The following CRYZ variants were observed in gnomAD, a reference collection of about 807,000 sequenced individuals.
The protein encoded by CRYZ is crystallin zeta.
CRYZ carries 35 observed loss-of-function variants against 34.1 expected under a neutral mutation model. The observed-to-expected ratio is 1.03, with a 90% CI of 0.78 to 1.36. CRYZ has a LOEUF of 1.36. CRYZ is among the 40% of genes most tolerant of loss of function. CRYZ has a pLI of 0.00. For missense variants in CRYZ, 403 were observed against 391.8 expected, an observed-to-expected ratio of 1.03 and a Z score of -0.24; for synonymous variants, 137 against 136.5, an observed-to-expected ratio of 1.00 and a Z score of -0.03.
chr1:74,719,276 G>A lies in CRYZ; in HGVS notation c.361C>T (p.Leu121=). 4 of 1,613,840 alleles carry A rather than the reference G, an allele frequency of 2.5e-6. No individual in the cohort carries two copies. The highest frequency in any genetic ancestry group is 3.4e-6 in the Non-Finnish European group (4 of 1,179,774). The part of the protein sequence containing the change: ...DHTVYKLPEK[L]DFKQGAAIGI... ...ATGGCAGCTCCTTGTTTAAAGTCCA[G>A]TTTTTCAGGTAGTTTGTAAACAGTG... The change falls in exon 4 of 9, where the codon CTG becomes TTG. Residue 121 remains leucine (L), a synonymous_variant. Transcript: ENST00000340866.
intron 4 of CRYZ, among the ~76,000 whole-genome samples, chr1:74,715,988 T>C (rs1647067619): frequency 6.6e-6 from 1 of 150,528 alleles, no homozygotes; most frequent in Non-Finnish European, 1.5e-5. Flanking sequence ...AGAATGTGGG[T>C]GGGCCTCATC....
intron 3 of CRYZ, among the ~76,000 whole-genome samples, chr1:74,719,812 C>T (rs935838045): frequency 6.6e-6 from 1 of 151,876 alleles, no homozygotes; most frequent in African/African-American, 2.4e-5. Flanking sequence ...TTTTAAAATA[C>T]TTCACATTTA....
At chr1:74,723,085 C>T (rs1330261147) in intron 3 of CRYZ, 33 bp downstream of exon 3, 2 of 1,592,640 alleles carry the variant, frequency 1.3e-6, no homozygotes, top group African/African-American at 2.7e-5. Context: ...GAAATAAATT[C>T]AGCCAAAATA....
At chr1:74,710,404 G>T (rs1448498230) in intron 5 of CRYZ, among the ~76,000 whole-genome samples, 157 bp from the exon 6 acceptor site, 1 of 152,124 alleles carries the variant, frequency 6.6e-6, no homozygotes, top group Non-Finnish European at 1.5e-5. Flanking sequence ...AACTTTAATT[G>T]AGCATTTAAA....
chr1:74,711,025 G>A (rs549207370), intron 5 of CRYZ, among the ~76,000 whole-genome samples: 8 of 152,230 alleles, frequency 5.3e-5, no homozygotes, highest in East Asian at 1.9e-4. Context: ...GAGAACATCC[G>A]GTCAGCCACG....
At chr1:74,720,794 C>A (rs187022880) in intron 3 of CRYZ, among the ~76,000 whole-genome samples, 135 of 152,126 alleles carry the variant, frequency 8.9e-4, no homozygotes, top group Middle Eastern at 3.4e-3. Context: ...GAATATACTA[C>A]ATAGAAAGCA....
rs1459034730 is a variant in CRYZ at position 74,732,608 on chromosome 1, G to T, written c.-14+348C>A. The stretch of plus-strand genomic sequence containing the variant: ...AAGCGGGTGACTGGCGGGGGGGGGG[G>T]GGGGGGGTGCAGCGTGGGGCTGGGG... On this transcript the variant is annotated intron_variant, in intron 1 of 8. Transcript: ENST00000340866. Among the ~76,000 whole-genome samples, 31 of 81,730 alleles carry T rather than the reference G, an allele frequency of 3.8e-4. 4 individuals are homozygous for T. In the South Asian group the frequency reaches 3.9e-3, roughly 10 times the overall value. The allele number at this position is 81,730 out of a possible 152,430, so 53.6% of individuals were successfully genotyped here. A position where few individuals can be genotyped will look rare whatever the true frequency, so the allele number is the denominator to read the frequency against.
At chr1:74,724,647 T>C in intron 2 of CRYZ, 64 bp downstream of exon 2, 1 of 1,007,124 alleles carries the variant, frequency 9.9e-7, no homozygotes, top group East Asian at 2.5e-5. Flanking sequence ...TTCTTTTTAA[T>C]ACAATGTGCA....
intron 1 of CRYZ, among the ~76,000 whole-genome samples, chr1:74,730,596 G>A (rs1308825167): frequency 6.6e-6 from 1 of 152,122 alleles, no homozygotes; most frequent in Non-Finnish European, 1.5e-5. Flanking sequence ...ATTTTATGCA[G>A]AAGTAAAAAT....
chr1:74,721,893 G>A (rs756389297), intron 3 of CRYZ, among the ~76,000 whole-genome samples: 5 of 152,160 alleles, frequency 3.3e-5, no homozygotes, highest in East Asian at 3.9e-4. Flanking sequence ...CACTGGACAC[G>A]GGAGGCTATT....
At chr1:74,709,257 T>C (rs1646969800) in intron 6 of CRYZ, among the ~76,000 whole-genome samples, 1 of 152,146 alleles carries the variant, frequency 6.6e-6, no homozygotes. Flanking sequence ...TAAAATTAGA[T>C]TATTGCTGAA....
Position 74,705,929 on chromosome 1 carries a change from G to C in CRYZ, c.*367C>G, listed in dbSNP as rs1283016314. On this transcript the variant is annotated 3_prime_UTR_variant, in exon 9 of 9. Coordinates refer to ENST00000340866, the MANE Select transcript of CRYZ (RefSeq NM_001889.4). Reference sequence around the variant, plus strand: ...TCAGAGACTAGAGAACCTTTATAAAGGTAAGTAGGCTTGAAAACCCTTGGA... The same window carrying C: ...TCAGAGACTAGAGAACCTTTATAAACGTAAGTAGGCTTGAAAACCCTTGGA... 1 of 163,172 alleles carries C rather than the reference G, an allele frequency of 6.1e-6. No individual in the cohort carries two copies. 10.1% of individuals were successfully genotyped at this position (163,172 alleles called of 1,614,324 possible). A position where few individuals can be genotyped will look rare whatever the true frequency, so the allele number is the denominator to read the frequency against.
chr1:74,728,305 G>T (rs968358), intron 1 of CRYZ, among the ~76,000 whole-genome samples: 116,545 of 152,110 alleles, frequency 0.77, 44,770 homozygotes, highest in African/African-American at 0.81. Flanking sequence ...TAATACCAAA[G>T]GAAATGAAAA....
At chr1:74,728,009 T>C (rs1234775898) in intron 1 of CRYZ, among the ~76,000 whole-genome samples, 2 of 152,222 alleles carry the variant, frequency 1.3e-5, no homozygotes, top group African/African-American at 4.8e-5. Context: ...TGTGTTATTG[T>C]TTTGCATGTT....
chr1:74,724,868 T>C lies in CRYZ; in HGVS notation c.-13-34A>G, dbSNP rs372459578. 5.6e-6 allele frequency: 7 copies of C among 1,256,950 alleles called. No individual in the cohort carries two copies. The African/African-American group carries it at 1.0e-4, about 19-fold the overall frequency. The allele number at this position is 1,256,950 out of a possible 1,614,324, so 77.9% of individuals were successfully genotyped here. A position where few individuals can be genotyped will look rare whatever the true frequency, so the allele number is the denominator to read the frequency against. Reference sequence around the variant, plus strand: ...GAAAAAAAATTAATGTATTGTCACATTGTATCTAGGATATCACCATGTTTT... The same window carrying C: ...GAAAAAAAATTAATGTATTGTCACACTGTATCTAGGATATCACCATGTTTT... On this transcript the variant is annotated intron_variant, in intron 1 of 8. Transcript: ENST00000340866.
chr1:74,725,994 G>C (rs1647316077), intron 1 of CRYZ, among the ~76,000 whole-genome samples: 1 of 152,194 alleles, frequency 6.6e-6, no homozygotes, highest in Non-Finnish European at 1.5e-5. Flanking sequence ...CCATGGCCTT[G>C]GGCAGCTCTG....
intron 8 of CRYZ, 26 bp downstream of exon 8, chr1:74,706,873 A>G (rs750454775): frequency 6.3e-7 from 1 of 1,595,250 alleles, no homozygotes. Context: ...TTAAGTTACC[A>G]AAATCAGAAG....
chr1:74,723,170 G>C lies in CRYZ; in HGVS notation c.212C>G (p.Ser71Ter). The C allele has an allele frequency of 1.2e-6, 2 of 1,614,026 alleles. No individual in the cohort carries two copies. Among genetic ancestry groups the C allele is most frequent in the Non-Finnish European group, 1.7e-6 (2 of 1,179,940 alleles). The change falls in exon 3 of 9, where the codon TCA (serine) becomes TGA (stop). Residue 71 changes from serine (S) to a stop codon, truncating the protein, a stop_gained. Coordinates refer to ENST00000340866, the MANE Select transcript of CRYZ (RefSeq NM_001889.4). LOFTEE classifies it high-confidence loss of function. ...RKPLLPYTPG[S>*]DVAGVIEAVG... ...AGCTTCTATCACCCCAGCCACATCTGAGCCAGGAGTATAGGGTAAGAGTGG... is the reference window on the plus strand; with the variant it reads ...AGCTTCTATCACCCCAGCCACATCTCAGCCAGGAGTATAGGGTAAGAGTGG...
intron 4 of CRYZ, among the ~76,000 whole-genome samples, chr1:74,715,688 C>A (rs1647062097): frequency 1.3e-5 from 2 of 152,044 alleles, no homozygotes; most frequent in Non-Finnish European, 2.9e-5. Context: ...ATATGAAATA[C>A]CTCCCAAAGA....
Sources: gnomAD v4.1 joint callset for allele counts (sites outside exome capture counted in the v4.1 genomes callset) on GRCh38, gnomAD v4.1.1 for gene constraint, MANE v1.5 for transcripts, NCBI Gene and HGNC (gene_info 2026-07-23, HGNC 2026-07-21) for gene names.